Variants in SLC5A10 observed in about 807,000 individuals in gnomAD.
The protein encoded by SLC5A10 is solute carrier family 5 member 10, also known as sodium/mannose cotransporter SLC5A10.
A neutral mutation model predicts 68.9 loss-of-function variants in SLC5A10; 55 were observed. The observed-to-expected ratio is 0.80, with a 90% CI of 0.64 to 1.00. The LOEUF (loss-of-function observed/expected upper bound fraction) is 1.00. SLC5A10 is among the 50% of genes least tolerant of loss of function. The probability of loss-of-function intolerance (pLI) is 0.00; values close to 1 mark genes in which losing one functional copy is unlikely to be tolerated. For synonymous variants in SLC5A10, 344 were observed against 344.8 expected, an observed-to-expected ratio of 1.00 and a Z score of 0.02; for missense variants, 732 against 819.3, an observed-to-expected ratio of 0.89 and a Z score of 1.30.
At chr17:19,014,163 C>T (rs529318542) in intron 10 of SLC5A10, among the ~76,000 whole-genome samples, 2 of 152,282 alleles carry the variant, frequency 1.3e-5, no homozygotes, top group South Asian at 2.1e-4. Flanking sequence ...CTAGGACAGA[C>T]GGGCAAGAGT....
chr17:19,003,817 G>T lies in SLC5A10; in HGVS notation c.983-9593G>T. On this transcript the variant is annotated intron_variant, in intron 9 of 14. Coordinates refer to ENST00000395645, the MANE Select transcript of SLC5A10 (RefSeq NM_001042450.4). This position sits in a 1 kb window ranked among gnomAD's most constrained non-coding sequence, Gnocchi z 4.5. Reference sequence around the variant, plus strand: ...TGCCCCGAGGGTCCTCAGAGCCCGGGTCGTACACCTCGATGGTCTCCAGGA... The same window carrying T: ...TGCCCCGAGGGTCCTCAGAGCCCGGTTCGTACACCTCGATGGTCTCCAGGA... The T allele has an allele frequency of 6.2e-7, 1 of 1,612,902 alleles. No homozygotes were observed.
chr17:18,984,567 G>C (rs1205150463), intron 9 of SLC5A10, among the ~76,000 whole-genome samples: 1 of 152,230 alleles, frequency 6.6e-6, no homozygotes, highest in African/African-American at 2.4e-5. Context: ...TTGTTCATCA[G>C]AAACGGGAAA....
upstream of SLC5A10, among the ~76,000 whole-genome samples, chr17:18,951,217 C>T (rs1220542301): frequency 1.4e-4 from 22 of 152,270 alleles, no homozygotes; most frequent in Non-Finnish European, 1.5e-5. Context: ...GCCAGCCCTG[C>T]TGTGTACACT....
intron 9 of SLC5A10, among the ~76,000 whole-genome samples, chr17:18,992,203 G>A (rs1028325522): frequency 9.2e-5 from 14 of 152,238 alleles, no homozygotes; most frequent in Admixed American, 2.0e-4. Context: ...CAGTGGATCC[G>A]CCGGCCTTCT....
At chr17:19,014,394 C>T (rs1160719442) in intron 10 of SLC5A10, among the ~76,000 whole-genome samples, 1 of 152,172 alleles carries the variant, frequency 6.6e-6, no homozygotes, top group Admixed American at 6.5e-5. Flanking sequence ...CCTAGGGGAG[C>T]CCTCACTCCC....
At chr17:19,006,336 T>A (rs2043888975) in intron 9 of SLC5A10, among the ~76,000 whole-genome samples, 1 of 152,084 alleles carries the variant, frequency 6.6e-6, no homozygotes, top group South Asian at 2.1e-4. Context: ...GGCTCAAGCC[T>A]CAGCCTCCTG....
chr17:18,988,318 C>T lies in SLC5A10; in HGVS notation c.982+11329C>T, dbSNP rs117556970. ...AAGTACTTGACGTTACTCTCATCCA[C>T]GATGATGTACACGGCCACTTTCCTC... On this transcript the variant is annotated intron_variant, in intron 9 of 14. Coordinates refer to ENST00000395645, the MANE Select transcript of SLC5A10 (RefSeq NM_001042450.4). 359 of 1,614,228 alleles carry T rather than the reference C, an allele frequency of 2.2e-4. 1 individual carries two copies. In the East Asian group the frequency reaches 6.7e-3, roughly 30 times the overall value.
chr17:19,008,500 G>A (rs1051901792), intron 9 of SLC5A10, among the ~76,000 whole-genome samples: 1 of 141,304 alleles, frequency 7.1e-6, no homozygotes, highest in Admixed American at 6.7e-5. Context: ...CAGCCTCACA[G>A]ATTTTTTTTT....
rs759357692 is a variant in SLC5A10 at position 18,969,449 on chromosome 17, G to A, written c.640+27G>A. 7.5e-6 allele frequency: 12 copies of A among 1,604,270 alleles called. 1 individual carries two copies. In the East Asian group the frequency reaches 2.2e-4, roughly 30 times the overall value. ...TGAGGACAGAGTCTGTGGCCATGGC[G>A]GGGCTGTCCCCACAGCGAGCCCTTT... On this transcript the variant is annotated intron_variant, in intron 7 of 14. Coordinates refer to ENST00000395645, the MANE Select transcript of SLC5A10 (RefSeq NM_001042450.4).
intron 1 of SLC5A10, among the ~76,000 whole-genome samples, chr17:18,954,854 C>CCT: frequency 5.9e-5 from 9 of 152,162 alleles, no homozygotes; most frequent in Admixed American, 1.3e-4. Context: ...GGGTGGATCA[C>CCT]GAGGTCAGGA....
chr17:18,984,514 C>T (rs1005354194), intron 9 of SLC5A10, among the ~76,000 whole-genome samples: 8 of 152,324 alleles, frequency 5.3e-5, no homozygotes, highest in Admixed American at 4.6e-4. Context: ...ATCCTCACTT[C>T]CTCACCGTGT....
chr17:18,997,989 T>C (rs2043611537), intron 9 of SLC5A10, among the ~76,000 whole-genome samples: 2 of 152,234 alleles, frequency 1.3e-5, no homozygotes, highest in South Asian at 4.1e-4. Context: ...GCCAAGCAAC[T>C]ATCTCCAAGC....
chr17:18,977,412 T>C (rs2043006600), intron 9 of SLC5A10: 2 of 663,938 alleles, frequency 3.0e-6, no homozygotes, highest in African/African-American at 1.8e-5. Flanking sequence ...GCCTTCCATA[T>C]GGCCCTGGCC....
intron 9 of SLC5A10, among the ~76,000 whole-genome samples, chr17:18,990,903 A>G (rs1263739873): frequency 6.6e-6 from 1 of 152,186 alleles, no homozygotes; most frequent in African/African-American, 2.4e-5. Context: ...TATAGACAGG[A>G]AAGCTGGGAT....
At position 19,021,745 on chromosome 17, in the gene SLC5A10, G is replaced by A; in HGVS notation, c.*1314G>A. 1 of 419,702 alleles carries A rather than the reference G, an allele frequency of 2.4e-6. No homozygotes were observed. Among genetic ancestry groups the A allele is most frequent in the Non-Finnish European group, 4.1e-6 (1 of 243,224 alleles). 26.0% of individuals were successfully genotyped at this position (419,702 alleles called of 1,614,324 possible). Reference sequence around the variant, plus strand: ...CAGCCAATGGAAAGCAACCAGCCAGGAAGCCCCGGAGCTACCCTTGCTGGG... The same window carrying A: ...CAGCCAATGGAAAGCAACCAGCCAGAAAGCCCCGGAGCTACCCTTGCTGGG... On this transcript the variant is annotated 3_prime_UTR_variant, in exon 15 of 15. Coordinates refer to ENST00000395645, the MANE Select transcript of SLC5A10 (RefSeq NM_001042450.4). The surrounding 1 kb of genome is among the most constrained non-coding windows in gnomAD (Gnocchi z 4.1).
chr17:19,008,813 A>T lies in SLC5A10; in HGVS notation c.983-4597A>T, dbSNP rs865993968. Among the ~76,000 whole-genome samples, 692 of 146,088 alleles carry T rather than the reference A, an allele frequency of 4.7e-3. 1 individual carries two copies. Among genetic ancestry groups the T allele is most frequent in the East Asian group, 0.016 (78 of 4,958 alleles). On this transcript the variant is annotated intron_variant, in intron 9 of 14. Transcript: ENST00000395645. The stretch of plus-strand genomic sequence containing the variant: ...CGTGCCTGGCATTATTATTATTATT[A>T]TTTTTTTTTTTTTTTTTGAGATAGC...
In SLC5A10 at chr17:18,968,920, G is replaced by A. The variant is rs2042766944; in HGVS notation, c.454-132G>A. On this transcript the variant is annotated intron_variant, in intron 5 of 14. Coordinates refer to ENST00000395645, the MANE Select transcript of SLC5A10 (RefSeq NM_001042450.4). This position sits in a 1 kb window ranked among gnomAD's most constrained non-coding sequence, Gnocchi z 4.1. ...ATGGCCCCGTGATGCAGGCAGGCAG[G>A]CGAGTGGGGGTCTCCCCTCCTTATC... The A allele has an allele frequency of 1.4e-6, 1 of 740,176 alleles. No homozygotes were observed. Among genetic ancestry groups the A allele is most frequent in the Non-Finnish European group, 2.2e-6 (1 of 465,038 alleles). The allele number at this position is 740,176 out of a possible 1,614,324, so 45.9% of individuals were successfully genotyped here.
In SLC5A10 at chr17:19,019,851, G is replaced by A. The variant is rs367605069; in HGVS notation, c.1549G>A (p.Ala517Thr). Residue 517 changes from alanine (A) to threonine (T), a missense_variant, in exon 13 of 15, where the codon GCT becomes ACT. By Grantham distance (58) the Ala-to-Thr change is moderately conservative. Transcript: ENST00000395645. ...GGGGAGCATCCACTACCTGCACTTC[G>A]CTGTCGCCCTCTTTGCACTCAGTGG... The part of the protein sequence containing the change: ...VLGSIHYLHF[A>T]VALFALSGAV... 2.7e-5 allele frequency: 43 copies of A among 1,613,250 alleles called. 1 individual carries two copies. The South Asian group carries it at 4.0e-4, about 15-fold the overall frequency.
At position 18,992,769 on chromosome 17, in the gene SLC5A10, C is replaced by T. The variant is rs960578827; in HGVS notation, c.982+15780C>T. On this transcript the variant is annotated intron_variant, in intron 9 of 14. Coordinates refer to ENST00000395645, the MANE Select transcript of SLC5A10 (RefSeq NM_001042450.4). ...GGCCCTTCGTCTCTGATGTCCCTGCCGAGGGACCCCAACTCCTGTTCCCTG... is the reference window on the plus strand; with the variant it reads ...GGCCCTTCGTCTCTGATGTCCCTGCTGAGGGACCCCAACTCCTGTTCCCTG... Among the ~76,000 whole-genome samples the T allele has an allele frequency of 3.9e-5, 6 of 152,154 alleles. No individual in the cohort carries two copies. In the East Asian group the frequency reaches 5.8e-4, roughly 15 times the overall value.
Sources: gnomAD v4.1 joint callset for allele counts (sites outside exome capture counted in the v4.1 genomes callset) on GRCh38, gnomAD v4.1.1 for gene constraint, Gnocchi (gnomAD v3.1) non-coding constraint, MANE v1.5 for transcripts, NCBI Gene and HGNC (gene_info 2026-07-23, HGNC 2026-07-21) for gene names.